APOBEC3F: variants seen among roughly 807,000 people sequenced by gnomAD.
APOBEC3F encodes DNA dC->dU-editing enzyme APOBEC-3F.
A neutral mutation model predicts 45.8 loss-of-function variants in APOBEC3F; 34 were observed. The ratio of observed to expected loss-of-function variants is 0.74; its 90% CI spans 0.57 to 0.99. The LOEUF (loss-of-function observed/expected upper bound fraction) is 0.99, where lower values mean the gene tolerates loss of function less well. APOBEC3F is among the 50% of genes least tolerant of loss of function. The pLI is 0.00. For synonymous variants in APOBEC3F, 192 were observed against 174.4 expected (o/e 1.10, Z -0.80); for missense variants, 459 against 474.1 (o/e 0.97, Z 0.30).
At position 39,053,529 on chromosome 22, in the gene APOBEC3F, T is replaced by C. The variant is rs1333489762; in HGVS notation, c.*834T>C. On this transcript the variant is annotated 3_prime_UTR_variant, in exon 7 of 7. Transcript: ENST00000308521. ...ACTTGGAAGGATGAAGTGGGAGGAT[T>C]GCTTGAGCCGGGGAGGTGGAGGCTG... 6.6e-6 allele frequency: 1 copy of C among 151,744 alleles called. No homozygotes were observed. Among genetic ancestry groups the C allele is most frequent in the Non-Finnish European group, 1.5e-5 (1 of 68,008 alleles). 9.4% of individuals were successfully genotyped at this position (151,744 alleles called of 1,614,324 possible). A position where few individuals can be genotyped will look rare whatever the true frequency, so the allele number is the denominator to read the frequency against.
At chr22:39,051,981 C>A in intron 5 of APOBEC3F, 93 bp from the exon 6 acceptor site, 1 of 1,535,916 alleles carries the variant, frequency 6.5e-7, no homozygotes, top group South Asian at 1.2e-5. Context: ...CGCCCTGGGG[C>A]TCCAGGCCCG....
At chr22:39,048,379 G>A (rs1927321145) in intron 4 of APOBEC3F, among the ~76,000 whole-genome samples, 1 of 152,228 alleles carries the variant, frequency 6.6e-6, no homozygotes, top group African/African-American at 2.4e-5. Context: ...GCACTTAGGA[G>A]AGTGGCCTAG....
At chr22:39,045,674 C>A in intron 4 of APOBEC3F, 132 bp downstream of exon 4, 1 of 1,495,530 alleles carries the variant, frequency 6.7e-7, no homozygotes, top group Non-Finnish European at 9.1e-7. Flanking sequence ...ACCCCTCACC[C>A]ACACTCCTTG....
At position 39,052,360 on chromosome 22, in the gene APOBEC3F, C is replaced by T. The variant is rs1927534092; in HGVS notation, c.1003+7C>T. On this transcript the variant is annotated splice_region_variant and intron_variant, in intron 6 of 6. Transcript: ENST00000308521. Reference sequence around the variant, plus strand: ...GAGATCATGGGCTACAAAGGTGAGACGTTGGGGGGCTGAGGAGAGTGGGTG... The same window carrying T: ...GAGATCATGGGCTACAAAGGTGAGATGTTGGGGGGCTGAGGAGAGTGGGTG... 2.5e-6 allele frequency: 4 copies of T among 1,613,534 alleles called. No individual in the cohort carries two copies. Among genetic ancestry groups the T allele is most frequent in the Non-Finnish European group, 3.4e-6 (4 of 1,179,540 alleles).
rs369896110 is a variant in APOBEC3F at position 39,053,154 on chromosome 22, C to CTT, written c.*471_*472dup. 2.8e-5 allele frequency: 4 copies of CTT among 145,144 alleles called. No homozygotes were observed. Among genetic ancestry groups the CTT allele is most frequent in the Admixed American group, 1.4e-4 (2 of 14,478 alleles). 9.0% of individuals were successfully genotyped at this position (145,144 alleles called of 1,614,324 possible). On this transcript the variant is annotated 3_prime_UTR_variant, in exon 7 of 7. Coordinates refer to ENST00000308521, the MANE Select transcript of APOBEC3F (RefSeq NM_145298.6). ...GACGCCTGCCACCACGCACAGCTAACTTTTTTTTTTTTTGTATTTTTAGTA... is the reference window on the plus strand; with the variant it reads ...GACGCCTGCCACCACGCACAGCTAACTTTTTTTTTTTTTTTGTATTTTTAGTA...
intron 2 of APOBEC3F, 152 bp from the exon 3 acceptor site, chr22:39,044,789 A>C (rs576211553): frequency 1.3e-6 from 1 of 752,676 alleles, no homozygotes; most frequent in African/African-American, 1.8e-5. Context: ...GGAGCAGACA[A>C]TCACTCAAAC....
chr22:39,045,402 G>A, intron 3 of APOBEC3F, 26 bp from the exon 4 acceptor site: 1 of 1,614,060 alleles, frequency 6.2e-7, no homozygotes, highest in Non-Finnish European at 8.5e-7. Flanking sequence ...GGCAGAGCCT[G>A]ACTGCTTCCT....
chr22:39,044,793 C>T, intron 2 of APOBEC3F, 148 bp from the exon 3 acceptor site: 1 of 781,964 alleles, frequency 1.3e-6, no homozygotes, highest in Non-Finnish European at 2.0e-6. Flanking sequence ...CAGACAATCA[C>T]TCAAACTAAA....
intron 5 of APOBEC3F, among the ~76,000 whole-genome samples, chr22:39,050,835 G>A (rs1322294561): frequency 6.6e-6 from 1 of 152,162 alleles, no homozygotes; most frequent in Non-Finnish European, 1.5e-5. Context: ...AGACCCCATA[G>A]GACCAGGCCA....
intron 5 of APOBEC3F, among the ~76,000 whole-genome samples, chr22:39,050,551 A>T (rs921237912): frequency 2.7e-5 from 4 of 149,804 alleles, no homozygotes; most frequent in Non-Finnish European, 5.9e-5. Context: ...AAAAGGCGAC[A>T]AGAACTTGTG....
chr22:39,045,655 C>G, intron 4 of APOBEC3F, 113 bp downstream of exon 4: 1 of 1,552,426 alleles, frequency 6.4e-7, no homozygotes, highest in Non-Finnish European at 8.8e-7. Flanking sequence ...TGCCTGCCCT[C>G]ATGGTTACAC....
In APOBEC3F at chr22:39,044,876, C is replaced by T. The variant is rs548568843; in HGVS notation, c.172-65C>T. The T allele has an allele frequency of 1.0e-4, 149 of 1,438,022 alleles. 1 individual carries two copies. In the South Asian group the frequency reaches 1.8e-3, roughly 18 times the overall value. 89.1% of individuals were successfully genotyped at this position (1,438,022 alleles called of 1,614,324 possible). On this transcript the variant is annotated intron_variant, in intron 2 of 6. Transcript: ENST00000308521. ...CCTGTCCTGGCCCCTCCTCTCCCTGCCCCACCCCTGCACTCCTCCTGCTCC... is the reference window on the plus strand; with the variant it reads ...CCTGTCCTGGCCCCTCCTCTCCCTGTCCCACCCCTGCACTCCTCCTGCTCC...
intron 4 of APOBEC3F, 94 bp from the exon 5 acceptor site, chr22:39,049,331 T>C: frequency 7.0e-7 from 1 of 1,435,816 alleles, no homozygotes; most frequent in Non-Finnish European, 9.6e-7. Flanking sequence ...CAGCAGACAT[T>C]CCCAGGGCTG....
chr22:39,046,097 C>A (rs545898772), intron 4 of APOBEC3F, among the ~76,000 whole-genome samples: 1 of 152,264 alleles, frequency 6.6e-6, no homozygotes, highest in African/African-American at 2.4e-5. Flanking sequence ...TGCAGCTGCT[C>A]CTCTTGGCTG....
At chr22:39,045,370 G>A in intron 3 of APOBEC3F, 58 bp from the exon 4 acceptor site, 1 of 1,612,606 alleles carries the variant, frequency 6.2e-7, no homozygotes, top group Non-Finnish European at 8.5e-7. Flanking sequence ...GACCAGGCCT[G>A]GGAGCGCGGG....
chr22:39,047,855 G>T (rs1446844432), intron 4 of APOBEC3F, among the ~76,000 whole-genome samples: 1 of 152,112 alleles, frequency 6.6e-6, no homozygotes, highest in Non-Finnish European at 1.5e-5. Context: ...TTGAACCAAA[G>T]GATGATTGGA....
At chr22:39,043,938 C>T in intron 2 of APOBEC3F, 3 of 1,179,912 alleles carry the variant, frequency 2.5e-6, no homozygotes, top group South Asian at 4.6e-5. Context: ...GGCAGGAGAA[C>T]CGCTTGAACC....
intron 1 of APOBEC3F, among the ~76,000 whole-genome samples, chr22:39,041,405 G>C (rs5750727): frequency 0.54 from 81,465 of 151,988 alleles, 22,298 homozygotes; most frequent in East Asian, 0.69. Context: ...TGCTTAAATA[G>C]CAAGTCTTAG....
chr22:39,041,084 G>A, intron 1 of APOBEC3F, 107 bp downstream of exon 1: 3 of 1,529,078 alleles, frequency 2.0e-6, no homozygotes, highest in Non-Finnish European at 2.6e-6. Context: ...CCAGCCCTGG[G>A]CTCCCTCCCC....
Sources: allele counts gnomAD v4.1 joint callset (sites outside exome capture counted in the v4.1 genomes callset), GRCh38; gene constraint gnomAD v4.1.1; transcripts MANE v1.5; gene names NCBI Gene and HGNC (gene_info 2026-07-23, HGNC 2026-07-21).